The following RPL23A variants were observed in gnomAD, a reference collection of about 807,000 sequenced individuals.
RPL23A encodes the protein large ribosomal subunit protein uL23.
Under a neutral mutation model 17.6 loss-of-function variants are expected in RPL23A, and 2 were observed. The ratio of observed to expected loss-of-function variants is 0.11; its 90% CI spans 0.05 to 0.36. The LOEUF (loss-of-function observed/expected upper bound fraction) is 0.36, where lower values mean the gene tolerates loss of function less well. Among genes scored for constraint, RPL23A ranks in the 10% least tolerant of loss-of-function variants. The pLI, the probability that RPL23A is intolerant of heterozygous loss-of-function variation, is 1.00. For synonymous variants in RPL23A, 65 were observed against 74.3 expected (o/e 0.87, Z 0.65); for missense variants, 132 against 194.4 (o/e 0.68, Z 1.91).
Position 28,724,320 on chromosome 17 carries a change from C to T in RPL23A, c.*439C>T, listed in dbSNP as rs1183942922. The T allele has an allele frequency of 3.9e-6, 3 of 770,500 alleles. No homozygotes were observed. The highest frequency in any genetic ancestry group is 6.4e-6 in the Non-Finnish European group (3 of 471,892). 47.7% of individuals were successfully genotyped at this position (770,500 alleles called of 1,614,324 possible). Reference sequence around the variant, plus strand: ...GTCCAACCGGTCTGTCTGCTTCCCTCACCCCTTGCCCAATAAAGGACAAGG... The same window carrying T: ...GTCCAACCGGTCTGTCTGCTTCCCTTACCCCTTGCCCAATAAAGGACAAGG... On this transcript the variant is annotated 3_prime_UTR_variant, in exon 5 of 5. Transcript: ENST00000422514.
rs139098391 is a variant in RPL23A, at chr17:28,723,564, A to T, written c.387-7A>T. 2 of 1,611,870 alleles carry T rather than the reference A, an allele frequency of 1.2e-6. No homozygotes were observed. Among genetic ancestry groups the T allele is most frequent in the Non-Finnish European group, 8.5e-7 (1 of 1,178,064 alleles). On this transcript the variant is annotated splice_polypyrimidine_tract_variant and splice_region_variant and intron_variant, in intron 3 of 4. Transcript: ENST00000422514. ...GGCAGGGACTAAGGCTTCCTTCTCTACCCTAGGCCTGATGGAGAGAAGAAG... is the reference window on the plus strand; with the variant it reads ...GGCAGGGACTAAGGCTTCCTTCTCTTCCCTAGGCCTGATGGAGAGAAGAAG...
At position 28,723,114 on chromosome 17, in the gene RPL23A, A is replaced by T. The variant is rs112332513; in HGVS notation, c.386+215A>T. Among the ~76,000 whole-genome samples, 1,033 of 110,578 alleles carry T rather than the reference A, an allele frequency of 9.3e-3. 5 individuals carry two copies. The highest frequency in any genetic ancestry group is 0.04 in the African/African-American group (844 of 21,116). The allele number at this position is 110,578 out of a possible 152,430, so 72.5% of individuals were successfully genotyped here. On this transcript the variant is annotated intron_variant, in intron 3 of 4. Transcript: ENST00000422514. ...TGAGCAACCAAGCAAGGCCCTTTTT[A>T]AAAAAAAAAAAAAAAAAAATCCCCT...
intron 1 of RPL23A, 191 bp from the exon 2 acceptor site, chr17:28,720,516 T>A: frequency 6.6e-7 from 1 of 1,521,492 alleles, no homozygotes. Flanking sequence ...ATCCCTGGAG[T>A]TACTTAGAGT....
intron 2 of RPL23A, chr17:28,721,647 G>C (rs201909677): frequency 1.3e-5 from 2 of 152,278 alleles, no homozygotes; most frequent in Admixed American, 1.3e-4. Flanking sequence ...GAACAGTTGG[G>C]GGGGAATGGG....
intron 1 of RPL23A, 80 bp downstream of exon 1, chr17:28,720,110 C>G: frequency 6.5e-7 from 1 of 1,538,470 alleles, no homozygotes; most frequent in Middle Eastern, 2.2e-4. Context: ...AACACGGCTG[C>G]TGGGCTAAGC....
rs1270081861 is a variant in RPL23A at position 28,724,283 on chromosome 17, C to G, written c.*402C>G. 4.8e-6 allele frequency: 3 copies of G among 619,098 alleles called. No homozygotes were observed. The highest frequency in any genetic ancestry group is 5.5e-5 in the East Asian group (2 of 36,578). The allele number at this position is 619,098 out of a possible 1,614,324, so 38.4% of individuals were successfully genotyped here. A position where few individuals can be genotyped will look rare whatever the true frequency, so the allele number is the denominator to read the frequency against. On this transcript the variant is annotated 3_prime_UTR_variant, in exon 5 of 5. Coordinates refer to ENST00000422514, the MANE Select transcript of RPL23A (RefSeq NM_000984.6). ...TCTGGTAGCATTTTGTCCTCACACA[C>G]CCATCTACTATGTCCAACCGGTCTG...
chr17:28,723,741 A>C (rs775773364), intron 4 of RPL23A, 101 bp downstream of exon 4: 2 of 1,356,274 alleles, frequency 1.5e-6, no homozygotes, highest in African/African-American at 2.9e-5. Flanking sequence ...AGTCATAATT[A>C]ACTGACTGCA....
intron 3 of RPL23A, 166 bp from the exon 4 acceptor site, chr17:28,723,405 C>T (rs952360531): frequency 5.2e-6 from 4 of 771,840 alleles, no homozygotes; most frequent in South Asian, 2.7e-5. Context: ...AGAGAATTGG[C>T]TTTGTGGCTT....
chr17:28,721,347 T>G (rs1161341765), intron 2 of RPL23A: 2 of 152,038 alleles, frequency 1.3e-5, no homozygotes, highest in Non-Finnish European at 2.9e-5. Context: ...AGAGTGAAAC[T>G]CTGTCTCAAA....
chr17:28,721,569 G>A (rs1034243053), intron 2 of RPL23A: 1 of 152,300 alleles, frequency 6.6e-6, no homozygotes, highest in African/African-American at 2.4e-5. Context: ...GTATTTGGCA[G>A]TTATGGCCTG....
rs1452997979 is a variant in RPL23A, at chr17:28,722,702, AC to A, written c.210-17del. Reference sequence around the variant, plus strand: ...CAAAAGAATGGGCCCAGGCCAGGTGACCCCATTTTGCCTCTCCCAGGCTTGA... The same window carrying A: ...CAAAAGAATGGGCCCAGGCCAGGTGACCCATTTTGCCTCTCCCAGGCTTGA... On this transcript the variant is annotated intron_variant, in intron 2 of 4. Coordinates refer to ENST00000422514, the MANE Select transcript of RPL23A (RefSeq NM_000984.6). 7 of 1,611,742 alleles carry A rather than the reference AC, an allele frequency of 4.3e-6. No individual in the cohort carries two copies. In the East Asian group the frequency reaches 1.3e-4, roughly 31 times the overall value.
intron 1 of RPL23A, 132 bp downstream of exon 1, chr17:28,720,162 A>G: frequency 6.5e-7 from 1 of 1,530,186 alleles, no homozygotes; most frequent in Non-Finnish European, 8.8e-7. Flanking sequence ...CGTTTCGGAC[A>G]CGCTGCAGTA....
In RPL23A at chr17:28,720,709, C is replaced by T; in HGVS notation, c.28C>T (p.Pro10Ser). 4 of 1,614,122 alleles carry T rather than the reference C, an allele frequency of 2.5e-6. No individual in the cohort carries two copies. The highest frequency in any genetic ancestry group is 2.2e-5 in the East Asian group (1 of 44,888). The change falls in exon 2 of 5, where the codon CCT becomes TCT. Residue 10 changes from proline (P) to serine (S), a missense_variant and splice_region_variant. This residue lies in a region of RPL23A where 63 missense variants were observed against 48.9 expected (regional missense o/e 1.29). Transcript: ENST00000422514. ...CGTTTTCTTTCCTTTTCTCCCAGCT[C>T]CTGCCCCTCCTAAAGCTGAAGCCAA... MAPKAKKEA[P>S]APPKAEAKAK...
chr17:28,723,537 G>T (rs751018657), intron 3 of RPL23A, 34 bp from the exon 4 acceptor site: 5 of 1,533,316 alleles, frequency 3.3e-6, no homozygotes, highest in Non-Finnish European at 3.6e-6. Flanking sequence ...GGCAGTGAGG[G>T]TGGCAGGGAC....
At chr17:28,720,506 A>T (rs1269385178) in intron 1 of RPL23A, 2 of 1,551,368 alleles carry the variant, frequency 1.3e-6, no homozygotes, top group Non-Finnish European at 1.8e-6. Context: ...TCATAGTCGT[A>T]TCCCTGGAGT....
chr17:28,723,113 T>TAAA (rs774938617), intron 3 of RPL23A, among the ~76,000 whole-genome samples: 3 of 131,538 alleles, frequency 2.3e-5, no homozygotes, highest in African/African-American at 5.6e-5. Context: ...AGGCCCTTTT[T>TAAA]AAAAAAAAAA....
intron 2 of RPL23A, chr17:28,721,096 A>C (rs2151723847): frequency 2.0e-6 from 1 of 490,704 alleles, no homozygotes; most frequent in East Asian, 4.0e-5. Flanking sequence ...TCACGTCTGT[A>C]ATCCCAGCAC....
chr17:28,720,358 A>G (rs1449572969), intron 1 of RPL23A: 3 of 1,554,452 alleles, frequency 1.9e-6, no homozygotes, highest in Non-Finnish European at 1.7e-6. Flanking sequence ...AGCTTTAACC[A>G]TTTTCCTTCT....
chr17:28,723,696 A>G lies in RPL23A; in HGVS notation c.456+56A>G, dbSNP rs753646464. 1.0e-5 allele frequency: 15 copies of G among 1,497,094 alleles called. No homozygotes were observed. In the East Asian group the frequency reaches 2.2e-4, roughly 22 times the overall value. The allele number at this position is 1,497,094 out of a possible 1,614,324, so 92.7% of individuals were successfully genotyped here. A position where few individuals can be genotyped will look rare whatever the true frequency, so the allele number is the denominator to read the frequency against. On this transcript the variant is annotated intron_variant, in intron 4 of 4. Coordinates refer to ENST00000422514, the MANE Select transcript of RPL23A (RefSeq NM_000984.6). ...CTCACCCCTTGGGTGCAAATGATGC[A>G]TATGTTAGCGACCAAAGCCTGATCT...
Sources: gnomAD v4.1 joint callset for allele counts (sites outside exome capture counted in the v4.1 genomes callset) on GRCh38, gnomAD v4.1.1 for gene constraint, gnomAD v4.1.1 regional missense constraint, MANE v1.5 for transcripts, NCBI Gene and HGNC (gene_info 2026-07-23, HGNC 2026-07-21) for gene names.